AK7: variants seen among roughly 807,000 people sequenced by gnomAD.
AK7 encodes adenylate kinase 7, also known as ATP-AMP transphosphorylase 7.
In AK7, 78 loss-of-function variants were observed where a neutral mutation model predicts 96.6. The ratio of observed to expected loss-of-function variants is 0.81; its 90% CI spans 0.67 to 0.97. The LOEUF is 0.97. Ranked by LOEUF, AK7 falls within the 50% of genes least tolerant of loss-of-function variation. The pLI, the probability that AK7 is intolerant of heterozygous loss-of-function variation, is 0.00. For missense variants in AK7, 855 were observed against 887.9 expected (o/e 0.96, Z 0.47); for synonymous variants, 302 against 317.2 (o/e 0.95, Z 0.51).
At chr14:96,433,664 C>T (rs1892480686) in intron 5 of AK7, among the ~76,000 whole-genome samples, 1 of 152,158 alleles carries the variant, frequency 6.6e-6, no homozygotes, top group South Asian at 2.1e-4. Context: ...CTTCTGAAGC[C>T]TACTTCTGTC....
chr14:96,414,757 C>CTTTT lies in AK7; in HGVS notation c.498+5836_498+5839dup, dbSNP rs10694621. Among the ~76,000 whole-genome samples, 54 of 100,086 alleles carry CTTTT rather than the reference C, an allele frequency of 5.4e-4. 2 individuals are homozygous for CTTTT. Among genetic ancestry groups the CTTTT allele is most frequent in the Admixed American group, 7.4e-4 (6 of 8,126 alleles). 65.7% of individuals were successfully genotyped at this position (100,086 alleles called of 152,430 possible). ...AGGTTGAAGAAGATAAGGATTCCTT[C>CTTTT]TTTTTTTTTTTTTTTTTTTTTTTAG... On this transcript the variant is annotated intron_variant, in intron 4 of 17. Transcript: ENST00000267584.
At position 96,461,094 on chromosome 14, in the gene AK7, T is replaced by C. The variant is rs949072599; in HGVS notation, c.1357+2882T>C. ...CCCAGAGGGGAAAGGAGTGCCCAGA[T>C]GAATGCTTGGGGATGTAACATTGCC... On this transcript the variant is annotated intron_variant, in intron 12 of 17. Coordinates refer to ENST00000267584, the MANE Select transcript of AK7 (RefSeq NM_152327.5). 3.9e-5 allele frequency among the ~76,000 whole-genome samples: 6 copies of C among 152,210 alleles called. 1 individual carries two copies. The highest frequency in any genetic ancestry group is 1.2e-4 in the African/African-American group (5 of 41,448).
intron 13 of AK7, among the ~76,000 whole-genome samples, chr14:96,472,280 G>A (rs1894938657): frequency 6.6e-6 from 1 of 152,188 alleles, no homozygotes; most frequent in Non-Finnish European, 1.5e-5. Flanking sequence ...TCCTGCCTCA[G>A]TCTCCCGAGT....
chr14:96,395,576 C>T (rs1463797297), intron 1 of AK7, among the ~76,000 whole-genome samples: 2 of 151,896 alleles, frequency 1.3e-5, no homozygotes, highest in Non-Finnish European at 2.9e-5. Flanking sequence ...GGCATGGTGG[C>T]ACACGCCTAC....
intron 5 of AK7, among the ~76,000 whole-genome samples, chr14:96,426,708 G>T (rs1050403232): frequency 2.6e-5 from 4 of 151,988 alleles, no homozygotes; most frequent in Admixed American, 2.0e-4. Flanking sequence ...TTTTCCCTCA[G>T]CACTTTTCAA....
intron 6 of AK7, among the ~76,000 whole-genome samples, chr14:96,439,617 T>G (rs749081002): frequency 2.0e-5 from 3 of 147,302 alleles, no homozygotes; most frequent in Non-Finnish European, 4.4e-5. Flanking sequence ...TGAGCCGAAA[T>G]TGCACCACTG....
chr14:96,478,394 T>C (rs1294861323), intron 14 of AK7, 71 bp from the exon 15 acceptor site: 1 of 1,513,924 alleles, frequency 6.6e-7, no homozygotes, highest in Non-Finnish European at 9.1e-7. Context: ...CAGGGGGCCA[T>C]GCGTTCTCCA....
At chr14:96,481,520 G>A (rs11625090) in intron 15 of AK7, among the ~76,000 whole-genome samples, 39,038 of 150,844 alleles carry the variant, frequency 0.26, 5,423 homozygotes, top group African/African-American at 0.39. Flanking sequence ...TAATTTTTGT[G>A]TTTTTGGTAG....
At chr14:96,452,668 T>TTTTCC (rs1448244008) in intron 10 of AK7, among the ~76,000 whole-genome samples, 1 of 142,070 alleles carries the variant, frequency 7.0e-6, no homozygotes, top group Non-Finnish European at 1.5e-5. Context: ...TTTTCTTTTC[T>TTTTCC]TTTTTTTTGA....
At chr14:96,397,074 G>C (rs1280156600) in intron 1 of AK7, among the ~76,000 whole-genome samples, 1 of 152,186 alleles carries the variant, frequency 6.6e-6, no homozygotes, top group Non-Finnish European at 1.5e-5. Flanking sequence ...TCCAGCCTGA[G>C]CAACAGAATG....
intron 1 of AK7, among the ~76,000 whole-genome samples, chr14:96,395,496 T>C (rs1211816545): frequency 6.6e-6 from 1 of 151,904 alleles, no homozygotes; most frequent in Non-Finnish European, 1.5e-5. Flanking sequence ...CCGGTGTTGT[T>C]CAAGGGTCAC....
chr14:96,426,398 A>T (rs1029225718), intron 5 of AK7, among the ~76,000 whole-genome samples: 3 of 151,794 alleles, frequency 2.0e-5, no homozygotes, highest in East Asian at 1.9e-4. Context: ...TGTAGTTATT[A>T]TTTTTTTTGG....
At chr14:96,476,505 CA>C (rs34683106) in intron 14 of AK7, among the ~76,000 whole-genome samples, 29,774 of 87,364 alleles carry the variant, frequency 0.34, 2,647 homozygotes, top group African/African-American at 0.42. Context: ...GACTTTGTCT[CA>C]AAAAAAAAAA....
At chr14:96,405,372 T>C (rs1890650751) in intron 3 of AK7, among the ~76,000 whole-genome samples, 1 of 151,236 alleles carries the variant, frequency 6.6e-6, no homozygotes, top group Non-Finnish European at 1.5e-5. Context: ...TTGGCAGAGA[T>C]GGGGACTTGC....
At chr14:96,412,928 A>T (rs1376664092) in intron 4 of AK7, among the ~76,000 whole-genome samples, 2 of 152,230 alleles carry the variant, frequency 1.3e-5, no homozygotes, top group Non-Finnish European at 2.9e-5. Context: ...CACTAACATA[A>T]TAGGTTGGAA....
chr14:96,473,593 T>A (rs1047444890), intron 14 of AK7, among the ~76,000 whole-genome samples: 1 of 151,974 alleles, frequency 6.6e-6, no homozygotes, highest in Non-Finnish European at 1.5e-5. Context: ...TTTTTTTTTT[T>A]AGGAAAAATA....
intron 14 of AK7, among the ~76,000 whole-genome samples, chr14:96,473,988 C>T (rs913697081): frequency 3.3e-5 from 5 of 152,212 alleles, no homozygotes; most frequent in African/African-American, 1.2e-4. Flanking sequence ...TCGTACACAA[C>T]AGGATTTACT....
At chr14:96,451,382 C>CA in intron 9 of AK7, 39 bp from the exon 10 acceptor site, 2 of 1,494,496 alleles carry the variant, frequency 1.3e-6, no homozygotes, top group Non-Finnish European at 1.8e-6. Context: ...CAGAATTAAA[C>CA]AAAAAAAGAC....
At chr14:96,410,774 AG>A (rs1890984840) in intron 4 of AK7, among the ~76,000 whole-genome samples, 2 of 152,346 alleles carry the variant, frequency 1.3e-5, no homozygotes, top group Non-Finnish European at 2.9e-5. Flanking sequence ...AAGCCAAGGC[AG>A]GAGGATTGCT....
Sources: gnomAD v4.1 joint callset for allele counts (sites outside exome capture counted in the v4.1 genomes callset) on GRCh38, gnomAD v4.1.1 for gene constraint, MANE v1.5 for transcripts, NCBI Gene and HGNC (gene_info 2026-07-23, HGNC 2026-07-21) for gene names.